Variants in ANKIB1 observed in about 807,000 individuals in gnomAD.
ANKIB1 encodes ankyrin repeat and IBR domain-containing protein 1.
A neutral mutation model predicts 122.1 loss-of-function variants in ANKIB1; 43 were observed. That is an observed-to-expected ratio of 0.35 (90% CI 0.28 to 0.45). The LOEUF is 0.45. ANKIB1 is among the 20% of genes least tolerant of loss of function. ANKIB1 has a pLI of 1.00. For missense variants in ANKIB1, 992 were observed against 1,329.5 expected (o/e 0.75, Z 3.95); for synonymous variants, 390 against 442.0 (o/e 0.88, Z 1.48).
At chr7:92,264,860 C>T (rs1381430699) in intron 1 of ANKIB1, among the ~76,000 whole-genome samples, 1 of 152,132 alleles carries the variant, frequency 6.6e-6, no homozygotes, top group Non-Finnish European at 1.5e-5. Flanking sequence ...ATAAATACAT[C>T]AAATTTATAG....
At position 92,338,958 on chromosome 7, in the gene ANKIB1, ATATATATATATATT is replaced by A. The variant is rs1303931391; in HGVS notation, c.788-4060_788-4047del. On this transcript the variant is annotated intron_variant, in intron 5 of 19. Coordinates refer to ENST00000265742, the MANE Select transcript of ANKIB1 (RefSeq NM_019004.2). ...AATATATATATATATATATATATATATATATATATATATTTATATGAATCTTCCTTTTTTCTTTA... is the reference window on the plus strand; with the variant it reads ...AATATATATATATATATATATATATATATATGAATCTTCCTTTTTTCTTTA... Among the ~76,000 whole-genome samples the A allele has an allele frequency of 2.4e-3, 258 of 108,434 alleles. 3 individuals are homozygous for A. Among genetic ancestry groups the A allele is most frequent in the African/African-American group, 5.7e-3 (139 of 24,592 alleles). 71.1% of individuals were successfully genotyped at this position (108,434 alleles called of 152,430 possible).
chr7:92,246,518 C>T lies in ANKIB1; in HGVS notation c.-92C>T, dbSNP rs774622930. On this transcript the variant is annotated splice_region_variant and 5_prime_UTR_variant, in exon 1 of 20. Coordinates refer to ENST00000265742, the MANE Select transcript of ANKIB1 (RefSeq NM_019004.2). The stretch of plus-strand genomic sequence containing the variant: ...CCCTTACCCTCAGCGAGAGAAGTAA[C>T]CGTAAGTCTCAGCTTCGCGGTACAG... 1 of 518,354 alleles carries T rather than the reference C, an allele frequency of 1.9e-6. No individual in the cohort carries two copies. Among genetic ancestry groups the T allele is most frequent in the East Asian group, 5.5e-5 (1 of 18,338 alleles). 32.1% of individuals were successfully genotyped at this position (518,354 alleles called of 1,614,324 possible). A position where few individuals can be genotyped will look rare whatever the true frequency, so the allele number is the denominator to read the frequency against.
chr7:92,338,636 G>T (rs1471073881), intron 5 of ANKIB1, among the ~76,000 whole-genome samples: 1 of 151,692 alleles, frequency 6.6e-6, no homozygotes, highest in East Asian at 1.9e-4. Flanking sequence ...ACTTGGCCGG[G>T]TGTGGTGGCT....
intron 11 of ANKIB1, among the ~76,000 whole-genome samples, chr7:92,382,317 T>C (rs1401738869): frequency 6.6e-6 from 1 of 152,170 alleles, no homozygotes; most frequent in African/African-American, 2.4e-5. Context: ...ACTGTCAATA[T>C]TAGACAGATA....
chr7:92,390,061 A>T lies in ANKIB1; in HGVS notation c.1997A>T (p.Tyr666Phe). 1 of 1,599,356 alleles carries T rather than the reference A, an allele frequency of 6.3e-7. No individual in the cohort carries two copies. Among genetic ancestry groups the T allele is most frequent in the South Asian group, 1.2e-5 (1 of 86,524 alleles). The change falls in exon 15 of 20, where the codon TAT becomes TTT. Residue 666 changes from tyrosine (Y) to phenylalanine (F), a missense_variant. By Grantham distance (22) the Tyr-to-Phe change is conservative. Transcript: ENST00000265742. The part of the protein sequence containing the change: ...TRRILKCSYP[Y>F]GFFLEPKSTK... Reference sequence around the variant, plus strand: ...CGCATTCTCAAGTGTTCTTATCCATATGGATTTTTCTTGGAACCTAAAAGC... The same window carrying T: ...CGCATTCTCAAGTGTTCTTATCCATTTGGATTTTTCTTGGAACCTAAAAGC...
At chr7:92,388,316 G>A (rs192322905) in intron 14 of ANKIB1, among the ~76,000 whole-genome samples, 11 of 152,332 alleles carry the variant, frequency 7.2e-5, no homozygotes, top group Admixed American at 7.2e-4. Flanking sequence ...CACTGCTGAT[G>A]CTCTACAATG....
At position 92,307,531 on chromosome 7, in the gene ANKIB1, T is replaced by C. The variant is rs760525012; in HGVS notation, c.361T>C (p.Leu121=). 1.9e-6 allele frequency: 3 copies of C among 1,613,866 alleles called. No individual in the cohort carries two copies. Among genetic ancestry groups the C allele is most frequent in the Non-Finnish European group, 2.5e-6 (3 of 1,179,884 alleles). ...AAGAGCAGATTGTCTGCAGATGATC[T>C]TAAAATGGAAAGGAGCAAAACTTGA... ...FRRADCLQMI[L]KWKGAKLDQG... is the part of the protein sequence containing the mutation. Residue 121 remains leucine, a synonymous_variant, in exon 3 of 20, where the codon TTA becomes CTA. Transcript: ENST00000265742.
intron 1 of ANKIB1, among the ~76,000 whole-genome samples, chr7:92,262,693 CT>C (rs1437454460): frequency 1.3e-5 from 2 of 152,014 alleles, no homozygotes; most frequent in African/African-American, 2.4e-5. Context: ...TTATAATGAT[CT>C]TTTTATTTTC....
chr7:92,274,892 A>G (rs1400343932), intron 1 of ANKIB1, among the ~76,000 whole-genome samples: 1 of 152,162 alleles, frequency 6.6e-6, no homozygotes. Context: ...GCACCACTGC[A>G]CTCCAGCCTG....
chr7:92,291,092 G>C (rs980336815), intron 1 of ANKIB1, among the ~76,000 whole-genome samples: 1 of 152,062 alleles, frequency 6.6e-6, no homozygotes, highest in Non-Finnish European at 1.5e-5. Context: ...TCAGGAGTTC[G>C]AGACCAGCCT....
At chr7:92,382,422 T>C (rs1386222352) in intron 11 of ANKIB1, among the ~76,000 whole-genome samples, 2 of 152,150 alleles carry the variant, frequency 1.3e-5, no homozygotes, top group Non-Finnish European at 2.9e-5. Context: ...CTACCCCAAA[T>C]CAACAGAATA....
intron 5 of ANKIB1, among the ~76,000 whole-genome samples, chr7:92,330,907 T>C (rs565408950): frequency 6.6e-6 from 1 of 152,260 alleles, no homozygotes; most frequent in East Asian, 1.9e-4. Context: ...TTAATAGTCA[T>C]AATGTAAAAA....
chr7:92,301,651 C>G (rs1802459400), intron 2 of ANKIB1, among the ~76,000 whole-genome samples: 2 of 151,932 alleles, frequency 1.3e-5, no homozygotes, highest in Non-Finnish European at 2.9e-5. Flanking sequence ...TTCATTTTGC[C>G]AGATTATTAT....
intron 2 of ANKIB1, among the ~76,000 whole-genome samples, chr7:92,304,268 A>G (rs1048124305): frequency 6.6e-6 from 1 of 152,206 alleles, no homozygotes; most frequent in South Asian, 2.1e-4. Context: ...ATATTTATGC[A>G]GATATGCTAC....
In ANKIB1 at chr7:92,363,438, C is replaced by T. The variant is rs376997449; in HGVS notation, c.1486+1165C>T. ...AAAAGAAAAAAAAAATCCACACTTA[C>T]ATGAGCAAAGCACATAATAAAGATG... On this transcript the variant is annotated intron_variant, in intron 10 of 19. Coordinates refer to ENST00000265742, the MANE Select transcript of ANKIB1 (RefSeq NM_019004.2). Among the ~76,000 whole-genome samples, 48 of 152,188 alleles carry T rather than the reference C, an allele frequency of 3.2e-4. 1 individual carries two copies. The highest frequency in any genetic ancestry group is 9.9e-4 in the African/African-American group (41 of 41,558).
intron 3 of ANKIB1, among the ~76,000 whole-genome samples, chr7:92,312,782 A>G (rs980991912): frequency 6.6e-6 from 1 of 152,174 alleles, no homozygotes; most frequent in Non-Finnish European, 1.5e-5. Flanking sequence ...AAAGGACTTA[A>G]AAAGTACTAT....
intron 2 of ANKIB1, among the ~76,000 whole-genome samples, chr7:92,296,683 A>G (rs1191367463): frequency 6.6e-6 from 1 of 152,138 alleles, no homozygotes; most frequent in Non-Finnish European, 1.5e-5. Flanking sequence ...CTCTCTGCCT[A>G]CCTATATTAA....
chr7:92,328,798 A>C (rs912123929), intron 5 of ANKIB1, among the ~76,000 whole-genome samples: 1 of 151,668 alleles, frequency 6.6e-6, no homozygotes, highest in Non-Finnish European at 1.5e-5. Flanking sequence ...AAATTTTTAT[A>C]TAATCTTTTG....
chr7:92,269,773 C>T (rs779729540), intron 1 of ANKIB1, among the ~76,000 whole-genome samples: 2 of 151,810 alleles, frequency 1.3e-5, no homozygotes, highest in Non-Finnish European at 1.5e-5. Flanking sequence ...TATAACTATC[C>T]GTAATACAGT....
Sources: gnomAD v4.1 joint callset for allele counts (sites outside exome capture counted in the v4.1 genomes callset) on GRCh38, gnomAD v4.1.1 for gene constraint, MANE v1.5 for transcripts, NCBI Gene and HGNC (gene_info 2026-07-23, HGNC 2026-07-21) for gene names.